CACNA1A: variants seen among roughly 807,000 people sequenced by gnomAD.
CACNA1A encodes the protein calcium voltage-gated channel subunit alpha1 A, also known as voltage-dependent P/Q-type calcium channel subunit alpha-1A.
Under a neutral mutation model 262.4 loss-of-function variants are expected in CACNA1A, and 57 were observed. The observed-to-expected ratio is 0.22, with a 90% CI of 0.18 to 0.27. The LOEUF (loss-of-function observed/expected upper bound fraction) is 0.27, where lower values mean the gene tolerates loss of function less well. Ranked by LOEUF, CACNA1A falls within the 10% of genes least tolerant of loss-of-function variation. The probability of loss-of-function intolerance (pLI) is 1.00; values close to 1 mark genes in which losing one functional copy is unlikely to be tolerated. For missense variants in CACNA1A, 2,526 were observed against 3,562.8 expected, an observed-to-expected ratio of 0.71 and a Z score of 7.41; for synonymous variants, 1,431 against 1,419.3, an observed-to-expected ratio of 1.01 and a Z score of -0.18.
rs61273249 is a variant in CACNA1A at position 13,406,465 on chromosome 19, TTATATATATATATATATATATA to T, written c.540-34708_540-34687del. On this transcript the variant is annotated intron_variant, in intron 3 of 46. Coordinates refer to ENST00000360228, the MANE Select transcript of CACNA1A (RefSeq NM_001127222.2). ...GGGAGACTCTGTCTCAAAAAAAAAA[TTATATATATATATATATATATA>T]TATATATATATATATATATATATAT... 4.0e-3 allele frequency among the ~76,000 whole-genome samples: 126 copies of T among 31,552 alleles called. 4 individuals carry two copies. In the South Asian group the frequency reaches 0.056, roughly 14 times the overall value. The allele number at this position is 31,552 out of a possible 152,430, so 20.7% of individuals were successfully genotyped here.
At chr19:13,477,590 G>A (rs775500443) in intron 1 of CACNA1A, among the ~76,000 whole-genome samples, 13 of 152,312 alleles carry the variant, frequency 8.5e-5, no homozygotes, top group Admixed American at 3.9e-4. Context: ...CACAGCGATC[G>A]TTCCTTATTA....
At chr19:13,419,660 G>A (rs2144778572) in intron 3 of CACNA1A, among the ~76,000 whole-genome samples, 1 of 152,284 alleles carries the variant, frequency 6.6e-6, no homozygotes, top group South Asian at 2.1e-4. Flanking sequence ...CTGGGTAACA[G>A]AGTGAGACCT....
chr19:13,373,489 A>G (rs1469867361), intron 3 of CACNA1A, among the ~76,000 whole-genome samples: 1 of 152,306 alleles, frequency 6.6e-6, no homozygotes, highest in South Asian at 2.1e-4. Context: ...TGGTGGATCA[A>G]TACCGCAGCT....
chr19:13,238,409 CACCT>C (rs2055950938), intron 31 of CACNA1A, among the ~76,000 whole-genome samples: 1 of 152,102 alleles, frequency 6.6e-6, no homozygotes, highest in South Asian at 2.1e-4. Context: ...GGAGACCACC[CACCT>C]AAGGGCTCCA....
chr19:13,283,914 T>G (rs1047416218), intron 21 of CACNA1A: 2 of 152,594 alleles, frequency 1.3e-5, no homozygotes, highest in Non-Finnish European at 2.9e-5. Context: ...ACCCAAGACT[T>G]AATTTATGCC....
At chr19:13,304,662 A>C (rs2057861627) in intron 15 of CACNA1A, among the ~76,000 whole-genome samples, 1 of 79,200 alleles carries the variant, frequency 1.3e-5, no homozygotes, top group South Asian at 7.8e-4. Flanking sequence ...TTTGTCTCAA[A>C]AAAAAAAAAA....
chr19:13,419,013 C>G (rs1467524490), intron 3 of CACNA1A, among the ~76,000 whole-genome samples: 1 of 152,184 alleles, frequency 6.6e-6, no homozygotes, highest in Non-Finnish European at 1.5e-5. Flanking sequence ...CCTGCCTCAG[C>G]CTCCCGAATA....
In CACNA1A at chr19:13,286,526, G is replaced by C. The variant is rs201789073; in HGVS notation, c.3530C>G (p.Pro1177Arg). Residue 1177 changes from proline to arginine, a missense_variant, in exon 20 of 47, where the codon CCC becomes CGC. Physicochemically the swap from Pro to Arg is moderately radical, Grantham distance 103. Around this residue, in one of 17 missense-constraint regions of CACNA1A, gnomAD observed 765 missense variants for 748.6 expected, o/e 1.02. Coordinates refer to ENST00000360228, the MANE Select transcript of CACNA1A (RefSeq NM_001127222.2). The stretch of plus-strand genomic sequence containing the variant: ...ACCTTGTACGACGGTGTGGTTGAGG[G>C]GGGGTGGGCAGGCTGGGGGGATGTC... Reference protein sequence around the residue: ...TVDIPPACPPPLNHTVVQVNK... With the variant: ...TVDIPPACPPRLNHTVVQVNK... 101 of 1,494,858 alleles carry C rather than the reference G, an allele frequency of 6.8e-5. No individual in the cohort carries two copies. The highest frequency in any genetic ancestry group is 1.8e-4 in the Middle Eastern group (1 of 5,558). The allele number at this position is 1,494,858 out of a possible 1,614,324, so 92.6% of individuals were successfully genotyped here. A position where few individuals can be genotyped will look rare whatever the true frequency, so the allele number is the denominator to read the frequency against.
intron 1 of CACNA1A, among the ~76,000 whole-genome samples, chr19:13,464,136 C>T (rs1239127674): frequency 6.6e-6 from 1 of 152,212 alleles, no homozygotes; most frequent in African/African-American, 2.4e-5. Flanking sequence ...TGCCTATCAT[C>T]TCAGCCCTTT....
intron 5 of CACNA1A, 170 bp downstream of exon 5, chr19:13,365,147 A>G: frequency 1.9e-6 from 1 of 523,108 alleles, no homozygotes; most frequent in Middle Eastern, 4.2e-4. Context: ...ACCCCTTTCA[A>G]CAGCTAAGAT....
chr19:13,481,314 A>G (rs1170074169), intron 1 of CACNA1A, among the ~76,000 whole-genome samples: 2 of 152,214 alleles, frequency 1.3e-5, no homozygotes, highest in Non-Finnish European at 2.9e-5. Flanking sequence ...TGGACCTAGA[A>G]GACAGCACTG....
intron 1 of CACNA1A, among the ~76,000 whole-genome samples, chr19:13,503,202 T>C (rs924181620): frequency 6.6e-6 from 1 of 152,156 alleles, no homozygotes; most frequent in African/African-American, 2.4e-5. Flanking sequence ...CAAAAGAACG[T>C]ACTGTGTGAC....
intron 3 of CACNA1A, among the ~76,000 whole-genome samples, chr19:13,425,973 A>T (rs977710632): frequency 3.9e-5 from 6 of 152,120 alleles, no homozygotes; most frequent in African/African-American, 1.4e-4. Context: ...CAGGAGAATC[A>T]TTTGGGCCTG....
chr19:13,437,411 C>A (rs908960495), intron 3 of CACNA1A, among the ~76,000 whole-genome samples: 3 of 152,092 alleles, frequency 2.0e-5, no homozygotes, highest in Non-Finnish European at 4.4e-5. Flanking sequence ...AAGAAAAGGG[C>A]CAGGTGTGGT....
intron 1 of CACNA1A, among the ~76,000 whole-genome samples, chr19:13,473,252 CAA>C (rs749694968): frequency 1.3e-4 from 13 of 99,382 alleles, no homozygotes; most frequent in Non-Finnish European, 2.5e-4. Flanking sequence ...GAGGCCCTGA[CAA>C]AAAAAAAAAA....
chr19:13,285,460 T>C (rs1004981444), intron 20 of CACNA1A, among the ~76,000 whole-genome samples: 1 of 152,060 alleles, frequency 6.6e-6, no homozygotes, highest in African/African-American at 2.4e-5. Flanking sequence ...CAGCAGGAAG[T>C]GGCAGAGCTG....
intron 28 of CACNA1A, among the ~76,000 whole-genome samples, chr19:13,255,993 CTT>C (rs542786434): frequency 1.0e-4 from 12 of 115,354 alleles, no homozygotes; most frequent in East Asian, 5.5e-4. Flanking sequence ...TCCCTCCTTC[CTT>C]TTTTTTTTTT....
chr19:13,381,385 C>T (rs879218522), intron 3 of CACNA1A, among the ~76,000 whole-genome samples: 1 of 152,008 alleles, frequency 6.6e-6, no homozygotes, highest in African/African-American at 2.4e-5. Flanking sequence ...GAAGACAGAG[C>T]GAGACCCTGT....
chr19:13,380,082 G>C (rs1047825534), intron 3 of CACNA1A, among the ~76,000 whole-genome samples: 1 of 134,028 alleles, frequency 7.5e-6, no homozygotes, highest in Non-Finnish European at 1.6e-5. Flanking sequence ...TCAGGAGTTC[G>C]AGACCAGCCT....
Sources: gnomAD v4.1 joint callset for allele counts (sites outside exome capture counted in the v4.1 genomes callset) on GRCh38, gnomAD v4.1.1 for gene constraint, gnomAD v4.1.1 regional missense constraint, MANE v1.5 for transcripts, NCBI Gene and HGNC (gene_info 2026-07-23, HGNC 2026-07-21) for gene names.